The following NOX4 variants were observed in gnomAD, a reference collection of about 807,000 sequenced individuals.
NOX4 encodes the protein NADPH oxidase 4.
NOX4 carries 69 observed loss-of-function variants against 87.6 expected under a neutral mutation model. The ratio of observed to expected loss-of-function variants is 0.79; its 90% confidence interval spans 0.65 to 0.96. The LOEUF is 0.96. NOX4 is among the 40% of genes least tolerant of loss of function. The pLI is 0.00. For synonymous variants in NOX4, 275 were observed against 238.2 expected, an observed-to-expected ratio of 1.15 and a Z score of -1.42; for missense variants, 680 against 681.5, an observed-to-expected ratio of 1.00 and a Z score of 0.02.
the NOX4 span, among the ~76,000 whole-genome samples, chr11:89,505,400 G>A: frequency 1.3e-5 from 2 of 151,698 alleles, no homozygotes; most frequent in East Asian, 1.9e-4. Context: ...AACATTAATC[G>A]GTGCAAAAGT....
the NOX4 span, among the ~76,000 whole-genome samples, chr11:89,509,512 A>T: frequency 6.6e-6 from 1 of 152,080 alleles, no homozygotes; most frequent in Non-Finnish European, 1.5e-5. Flanking sequence ...GATAGAGATA[A>T]AAGTTGGGAG....
the NOX4 span, among the ~76,000 whole-genome samples, chr11:89,510,658 G>A: frequency 7.9e-5 from 12 of 151,892 alleles, no homozygotes; most frequent in Non-Finnish European, 1.3e-4. Context: ...AAAATTCAGA[G>A]AAAACAAAAA....
chr11:89,343,149 C>G (rs867025472), intron 13 of NOX4, among the ~76,000 whole-genome samples: 2 of 152,256 alleles, frequency 1.3e-5, no homozygotes, highest in East Asian at 3.9e-4. Flanking sequence ...TAGAACTCAG[C>G]GTTCTAGTCA....
At chr11:89,573,797 C>A in the NOX4 span, among the ~76,000 whole-genome samples, 1 of 152,174 alleles carries the variant, frequency 6.6e-6, no homozygotes, top group East Asian at 1.9e-4. Flanking sequence ...CATCCTAGGA[C>A]TTTGTAGGCT....
intron 2 of NOX4, among the ~76,000 whole-genome samples, chr11:89,460,671 A>G (rs1335394782): frequency 2.6e-5 from 4 of 152,188 alleles, no homozygotes; most frequent in African/African-American, 9.7e-5. Flanking sequence ...GGTGCTGGAG[A>G]GGATGTGGAG....
At chr11:89,438,196 T>A (rs1188535680) in intron 6 of NOX4, among the ~76,000 whole-genome samples, 1 of 145,660 alleles carries the variant, frequency 6.9e-6, no homozygotes. Context: ...AAGTATTAGT[T>A]ATTAGTATAA....
the NOX4 span, among the ~76,000 whole-genome samples, chr11:89,578,448 T>A: frequency 1.3e-5 from 2 of 152,182 alleles, no homozygotes; most frequent in Non-Finnish European, 1.5e-5. Flanking sequence ...ATTACAGGCA[T>A]GAACCACTGC....
Position 89,402,392 on chromosome 11 carries a change from C to T in NOX4, c.780G>A (p.Glu260=). 2 of 1,613,282 alleles carry T rather than the reference C, an allele frequency of 1.2e-6. No homozygotes were observed. Among genetic ancestry groups the T allele is most frequent in the South Asian group, 1.1e-5 (1 of 90,956 alleles). ...PFPEGFSKPA[E]FTQHKFVKIC... ...TCTTCACAAATTTGTGCTGGGTAAA[C>T]TCTGCCGGTTTTGAAAATCCTTCAG... Residue 260 remains glutamate (E), a synonymous_variant, in exon 9 of 18, where the codon GAG becomes GAA. Transcript: ENST00000263317.
At chr11:89,465,613 C>T (rs1945651954) in intron 2 of NOX4, among the ~76,000 whole-genome samples, 1 of 152,150 alleles carries the variant, frequency 6.6e-6, no homozygotes, top group Non-Finnish European at 1.5e-5. Context: ...TAAAAGCATT[C>T]TATTTCTCCA....
chr11:89,369,515 G>C (rs1292127653), intron 12 of NOX4, among the ~76,000 whole-genome samples: 1 of 152,006 alleles, frequency 6.6e-6, no homozygotes, highest in Admixed American at 6.6e-5. Flanking sequence ...ACATACATTT[G>C]ATTATTAGCC....
intron 2 of NOX4, among the ~76,000 whole-genome samples, chr11:89,485,717 T>G (rs1436039827): frequency 6.6e-6 from 1 of 152,174 alleles, no homozygotes; most frequent in Non-Finnish European, 1.5e-5. Context: ...GATTTAATCT[T>G]AAGCAATCAA....
the NOX4 span, among the ~76,000 whole-genome samples, chr11:89,544,622 A>G: frequency 6.6e-6 from 1 of 152,168 alleles, no homozygotes; most frequent in East Asian, 1.9e-4. Context: ...TGTATACTGA[A>G]TACCTAAGAA....
the NOX4 span, among the ~76,000 whole-genome samples, chr11:89,523,302 G>A: frequency 5.9e-5 from 9 of 152,280 alleles, no homozygotes; most frequent in South Asian, 2.1e-4. Flanking sequence ...GATTACAGGC[G>A]TGAGCTATGG....
chr11:89,520,316 T>C, the NOX4 span, among the ~76,000 whole-genome samples: 5 of 152,090 alleles, frequency 3.3e-5, no homozygotes, highest in African/African-American at 9.7e-5. Context: ...TTCCCACTAA[T>C]TTCCAGATTC....
At chr11:89,399,437 A>ATT (rs1460562674) in intron 11 of NOX4, among the ~76,000 whole-genome samples, 1 of 76,714 alleles carries the variant, frequency 1.3e-5, no homozygotes, top group Non-Finnish European at 2.4e-5. Context: ...AATTAAATAT[A>ATT]TATATATATA....
At chr11:89,347,627 C>T (rs1946274143) in intron 13 of NOX4, among the ~76,000 whole-genome samples, 1 of 152,076 alleles carries the variant, frequency 6.6e-6, no homozygotes. Context: ...GGACTTAAAC[C>T]AGAATGTGAC....
chr11:89,446,066 A>C lies in NOX4; in HGVS notation c.350-1834T>G, dbSNP rs369779292. ...AAAAATGTGCCAAACATCTCAATAG[A>C]TACCTCACCAAAGAAGATATACAGA... On this transcript the variant is annotated intron_variant, in intron 4 of 17. Transcript: ENST00000263317. Among the ~76,000 whole-genome samples the C allele has an allele frequency of 1.3e-4, 20 of 152,280 alleles. No individual in the cohort carries two copies. In the East Asian group the frequency reaches 3.1e-3, roughly 23 times the overall value.
intron 17 of NOX4, among the ~76,000 whole-genome samples, chr11:89,332,217 G>A (rs1945505534): frequency 6.6e-6 from 1 of 150,888 alleles, no homozygotes; most frequent in African/African-American, 2.5e-5. Context: ...GAAGTCACTT[G>A]ACTCAGGGTC....
chr11:89,327,536 G>A (rs180991752), intron 17 of NOX4, among the ~76,000 whole-genome samples: 3 of 151,998 alleles, frequency 2.0e-5, no homozygotes, highest in Non-Finnish European at 2.9e-5. Flanking sequence ...TAAATAATAC[G>A]TATCTCTAAC....
Sources: allele counts gnomAD v4.1 joint callset (sites outside exome capture counted in the v4.1 genomes callset), GRCh38; gene constraint gnomAD v4.1.1; transcripts MANE v1.5; gene names NCBI Gene and HGNC (gene_info 2026-07-23, HGNC 2026-07-21).